TFCP2L1: variants seen among roughly 807,000 people sequenced by gnomAD.
TFCP2L1 encodes the protein transcription factor CP2-like protein 1.
Under a neutral mutation model 72.2 loss-of-function variants are expected in TFCP2L1, and 12 were observed. The ratio of observed to expected loss-of-function variants is 0.17; its 90% CI spans 0.11 to 0.27. The LOEUF is 0.27. Ranked by LOEUF, TFCP2L1 falls within the 10% of genes least tolerant of loss-of-function variation. The pLI, the probability that TFCP2L1 is intolerant of heterozygous loss-of-function variation, is 1.00. For synonymous variants in TFCP2L1, 260 were observed against 251.0 expected, an observed-to-expected ratio of 1.04 and a Z score of -0.34; for missense variants, 488 against 624.6, an observed-to-expected ratio of 0.78 and a Z score of 2.33.
rs1180652580 is a variant in TFCP2L1 at position 121,222,735 on chromosome 2, T to C, written c.*1606A>G. 6.6e-6 allele frequency: 1 copy of C among 152,140 alleles called. No homozygotes were observed. Among genetic ancestry groups the C allele is most frequent in the East Asian group, 1.9e-4 (1 of 5,202 alleles). The allele number at this position is 152,140 out of a possible 1,614,324, so 9.4% of individuals were successfully genotyped here. ...CTGTAATTCTGTGAATTGATGGTGG[T>C]TCTGTGAATACAATTGGACACTAGC... On this transcript the variant is annotated 3_prime_UTR_variant, in exon 15 of 15. Transcript: ENST00000263707.
chr2:121,276,115 G>A (rs1687141514), intron 2 of TFCP2L1, among the ~76,000 whole-genome samples: 1 of 152,144 alleles, frequency 6.6e-6, no homozygotes, highest in Non-Finnish European at 1.5e-5. Flanking sequence ...TGTGCAGAAC[G>A]TGCAGGTTTG....
In TFCP2L1 at chr2:121,281,075, C is replaced by T. The variant is rs754380850; in HGVS notation, c.214+45G>A. 19 of 1,612,046 alleles carry T rather than the reference C, an allele frequency of 1.2e-5. No individual in the cohort carries two copies. In the South Asian group the frequency reaches 2.0e-4, roughly 17 times the overall value. ...AAATGGGCCTTTCGCATCAGCTCCC[C>T]ACTACTTCTGGGTTCCGCCCTGGCC... On this transcript the variant is annotated intron_variant, in intron 2 of 14. Coordinates refer to ENST00000263707, the MANE Select transcript of TFCP2L1 (RefSeq NM_014553.3).
intron 2 of TFCP2L1, among the ~76,000 whole-genome samples, chr2:121,254,962 G>A (rs1243916874): frequency 6.6e-6 from 1 of 152,208 alleles, no homozygotes; most frequent in African/African-American, 2.4e-5. Flanking sequence ...CAGATGAGTG[G>A]CACTAGCAGT....
At chr2:121,278,528 A>T (rs1267887835) in intron 2 of TFCP2L1, among the ~76,000 whole-genome samples, 1 of 149,952 alleles carries the variant, frequency 6.7e-6, no homozygotes, top group African/African-American at 2.5e-5. Flanking sequence ...TCTACTAAAA[A>T]TACAAAAATT....
chr2:121,268,662 G>A (rs1295675732), intron 2 of TFCP2L1, among the ~76,000 whole-genome samples: 1 of 151,830 alleles, frequency 6.6e-6, no homozygotes, highest in Admixed American at 6.6e-5. Context: ...AGGTTCAGGG[G>A]AGAAGAGAAG....
chr2:121,250,764 G>A (rs948736123), intron 2 of TFCP2L1, among the ~76,000 whole-genome samples: 3 of 151,204 alleles, frequency 2.0e-5, no homozygotes, highest in East Asian at 2.0e-4. Flanking sequence ...CTGCCACCAC[G>A]CCCAGCTAAT....
In TFCP2L1 at chr2:121,249,095, G is replaced by C; in HGVS notation, c.292-8C>G. ...GACCACACGGATGATGCTCTGGGGAGGGAGGCCAGCAGGGAAACAAGTGAC... is the reference window on the plus strand; with the variant it reads ...GACCACACGGATGATGCTCTGGGGACGGAGGCCAGCAGGGAAACAAGTGAC... On this transcript the variant is annotated splice_polypyrimidine_tract_variant and splice_region_variant and intron_variant, in intron 3 of 14. Transcript: ENST00000263707. 6.4e-7 allele frequency: 1 copy of C among 1,554,074 alleles called. No homozygotes were observed. Among genetic ancestry groups the C allele is most frequent in the South Asian group, 1.2e-5 (1 of 83,520 alleles).
intron 2 of TFCP2L1, 48 bp downstream of exon 2, chr2:121,281,072 C>T (rs1231946502): frequency 1.1e-5 from 17 of 1,611,698 alleles, no homozygotes; most frequent in Non-Finnish European, 1.4e-5. Flanking sequence ...CGCATCAGCT[C>T]CCCACTACTT....
At chr2:121,251,307 T>C (rs1686608712) in intron 2 of TFCP2L1, among the ~76,000 whole-genome samples, 1 of 151,962 alleles carries the variant, frequency 6.6e-6, no homozygotes, top group African/African-American at 2.4e-5. Context: ...TGTGCCAGCA[T>C]CCCCCACGGT....
In TFCP2L1 at chr2:121,235,597, T is replaced by A. The variant is rs1237228425; in HGVS notation, c.1004-286A>T. ...TTCTTTTTTTTTTTTTTTTTTTTTT[T>A]AAGAGACAAGGTCTCAATATATTGC... On this transcript the variant is annotated intron_variant, in intron 10 of 14. Transcript: ENST00000263707. Among the ~76,000 whole-genome samples, 23 of 121,544 alleles carry A rather than the reference T, an allele frequency of 1.9e-4. No homozygotes were observed. The East Asian group carries it at 5.9e-3, about 31-fold the overall frequency. 79.7% of individuals were successfully genotyped at this position (121,544 alleles called of 152,430 possible).
rs1394964812 is a variant in TFCP2L1, at chr2:121,249,598, A to T, written c.264T>A (p.Phe88Leu). Reference sequence around the variant, plus strand: ...TGACATATTTTGTGTTCAGATCTTGAAAGTCTCCCAGCTTCCGATTCTCCA... The same window carrying T: ...TGACATATTTTGTGTTCAGATCTTGTAAGTCTCCCAGCTTCCGATTCTCCA... ...RLLENRKLGD[F>L]QDLNTKYVKS... is the part of the protein sequence containing the mutation. Residue 88 changes from phenylalanine to leucine, a missense_variant, in exon 3 of 15, where the codon TTT becomes TTA. This residue lies in a region of TFCP2L1 where 129 missense variants were observed against 236.0 expected (regional missense o/e 0.55). Transcript: ENST00000263707. 6.2e-7 allele frequency: 1 copy of T among 1,614,234 alleles called. No individual in the cohort carries two copies. The highest frequency in any genetic ancestry group is 2.2e-5 in the East Asian group (1 of 44,890).
chr2:121,231,813 C>A lies in TFCP2L1; in HGVS notation c.1341+13G>T. 6.2e-7 allele frequency: 1 copy of A among 1,611,746 alleles called. No individual in the cohort carries two copies. Among genetic ancestry groups the A allele is most frequent in the Non-Finnish European group, 8.5e-7 (1 of 1,178,972 alleles). On this transcript the variant is annotated intron_variant, in intron 13 of 14. Transcript: ENST00000263707. Reference sequence around the variant, plus strand: ...GAGCCCGTTGTCGGGGCAGGCCAGGCAGCAGCCCTCACCTCGTTGCTCACC... The same window carrying A: ...GAGCCCGTTGTCGGGGCAGGCCAGGAAGCAGCCCTCACCTCGTTGCTCACC...
intron 2 of TFCP2L1, among the ~76,000 whole-genome samples, chr2:121,262,333 C>T (rs1471733830): frequency 1.3e-5 from 2 of 151,942 alleles, no homozygotes; most frequent in African/African-American, 2.4e-5. Flanking sequence ...GGCGTGGTGG[C>T]GGGCGCCTGT....
At position 121,219,790 on chromosome 2, in the gene TFCP2L1, A is replaced by AG. The variant is rs1042422408; in HGVS notation, c.*4550dup. ...CCAGCTTTTTGTACGATTTTGATGG[A>AG]GGGAAAAATGGGAAAACCCCTCAGA... On this transcript the variant is annotated 3_prime_UTR_variant, in exon 15 of 15. Transcript: ENST00000263707. 1 of 152,126 alleles carries AG rather than the reference A, an allele frequency of 6.6e-6. No individual in the cohort carries two copies. The highest frequency in any genetic ancestry group is 1.5e-5 in the Non-Finnish European group (1 of 68,008). The allele number at this position is 152,126 out of a possible 1,614,324, so 9.4% of individuals were successfully genotyped here. A position where few individuals can be genotyped will look rare whatever the true frequency, so the allele number is the denominator to read the frequency against.
At chr2:121,257,805 C>T (rs1174903430) in intron 2 of TFCP2L1, among the ~76,000 whole-genome samples, 2 of 152,292 alleles carry the variant, frequency 1.3e-5, no homozygotes, top group East Asian at 3.9e-4. Context: ...TATAATTTTT[C>T]TTCTTCCTGT....
chr2:121,263,576 T>A (rs1686869577), intron 2 of TFCP2L1, among the ~76,000 whole-genome samples: 1 of 151,888 alleles, frequency 6.6e-6, no homozygotes, highest in African/African-American at 2.4e-5. Flanking sequence ...AATAAGGTGC[T>A]GCTATTCTCC....
At chr2:121,237,525 C>G in intron 10 of TFCP2L1, 98 bp downstream of exon 10, 1 of 1,381,692 alleles carries the variant, frequency 7.2e-7, no homozygotes, top group Non-Finnish European at 1.0e-6. Flanking sequence ...GCTGAAACGA[C>G]AGCGCTGCCA....
chr2:121,261,952 AAAAATGTATAAGCCC>A (rs1361180718), intron 2 of TFCP2L1, among the ~76,000 whole-genome samples: 14 of 152,300 alleles, frequency 9.2e-5, no homozygotes, highest in Admixed American at 7.8e-4. Flanking sequence ...TAGTCTTGCC[AAAAATGTATAAGCCC>A]AATCTCATCA....
intron 2 of TFCP2L1, among the ~76,000 whole-genome samples, chr2:121,257,600 T>C (rs1203417232): frequency 3.9e-5 from 6 of 152,206 alleles, no homozygotes; most frequent in Non-Finnish European, 4.4e-5. Context: ...GCACCCCACA[T>C]GTCCAACACC....
Sources: gnomAD v4.1 joint callset for allele counts (sites outside exome capture counted in the v4.1 genomes callset) on GRCh38, gnomAD v4.1.1 for gene constraint, gnomAD v4.1.1 regional missense constraint, MANE v1.5 for transcripts, NCBI Gene and HGNC (gene_info 2026-07-23, HGNC 2026-07-21) for gene names.